ABLIM1: variants seen among roughly 807,000 people sequenced by gnomAD.
ABLIM1 encodes actin binding LIM protein 1, also known as actin-binding LIM protein 1.
ABLIM1 carries 40 observed loss-of-function variants against 107.0 expected under a neutral mutation model. The observed-to-expected ratio is 0.37, with a 90% CI of 0.29 to 0.49. The LOEUF is 0.49. Among genes scored for constraint, ABLIM1 ranks in the 20% least tolerant of loss-of-function variants. The pLI is 0.97. For missense variants in ABLIM1, 857 were observed against 1,008.5 expected, an observed-to-expected ratio of 0.85 and a Z score of 2.04; for synonymous variants, 357 against 357.3, an observed-to-expected ratio of 1.00 and a Z score of 0.01.
intron 22 of ABLIM1, among the ~76,000 whole-genome samples, 196 bp downstream of exon 22, chr10:114,437,648 C>T (rs1405561748): frequency 6.6e-6 from 1 of 152,200 alleles, no homozygotes; most frequent in African/African-American, 2.4e-5. Flanking sequence ...TATTACCAGG[C>T]ATTTTTATGC....
In ABLIM1 at chr10:114,755,621, G is replaced by A. The variant is rs116740500; in HGVS notation, c.-213+12440C>T. Among the ~76,000 whole-genome samples the A allele has an allele frequency of 4.0e-3, 610 of 152,326 alleles. 2 individuals carry two copies. Among genetic ancestry groups the A allele is most frequent in the African/African-American group, 0.014 (593 of 41,574 alleles). ...CCTCAGTACTTGTCTAGCCGGCTTT[G>A]TACAGAGAGTAAAACTTCAGTGAGG... On this transcript the variant is annotated intron_variant, in intron 1 of 15. Coordinates refer to the ABLIM1 transcript ENST00000651092.
chr10:114,671,113 T>C (rs2080236493), intron 1 of ABLIM1, among the ~76,000 whole-genome samples: 1 of 152,220 alleles, frequency 6.6e-6, no homozygotes, highest in Admixed American at 6.5e-5. Context: ...TCCCTCCAGA[T>C]AGCTACTATT....
At chr10:114,489,120 C>A (rs2058589978) in intron 7 of ABLIM1, among the ~76,000 whole-genome samples, 1 of 152,008 alleles carries the variant, frequency 6.6e-6, no homozygotes, top group African/African-American at 2.4e-5. Context: ...CAGGTTCAAG[C>A]GATTCTCCTG....
rs1325475278 is a variant in ABLIM1, at chr10:114,545,061, G to C, written c.838C>G (p.Leu280Val). The C allele has an allele frequency of 1.2e-6, 2 of 1,613,994 alleles. No individual in the cohort carries two copies. Among genetic ancestry groups the C allele is most frequent in the African/African-American group, 2.7e-5 (2 of 74,904 alleles). ...APYCEKDYQG[L>V]FGVKCEACHQ... ...CACGCCTCACATTTCACCCCAAAGA[G>C]TCCCTGGTAGTCCTTTTCACAGTAC... is the stretch of plus-strand genomic sequence containing the variant. Residue 280 changes from leucine (L) to valine (V), a missense_variant, in exon 6 of 23, where the codon CTC (leucine) becomes GTC (valine). Physicochemically the swap from Leu to Val is conservative, Grantham distance 32 (BLOSUM62 1). Transcript: ENST00000533213.
chr10:114,547,454 T>C, intron 5 of ABLIM1, 196 bp downstream of exon 5: 1 of 639,326 alleles, frequency 1.6e-6, no homozygotes, highest in South Asian at 2.2e-5. Context: ...GATTAACATA[T>C]CATTAGGTTT....
intron 1 of ABLIM1, among the ~76,000 whole-genome samples, chr10:114,643,182 C>A (rs971361060): frequency 6.6e-6 from 1 of 152,194 alleles, no homozygotes; most frequent in African/African-American, 2.4e-5. Context: ...GAAACTGACA[C>A]CACAATTACC....
intron 1 of ABLIM1, among the ~76,000 whole-genome samples, chr10:114,607,444 C>T (rs2076499595): frequency 1.3e-5 from 2 of 152,188 alleles, no homozygotes; most frequent in Admixed American, 6.5e-5. Flanking sequence ...TAAGTATGGG[C>T]TGTACATAGT....
At chr10:114,548,425 CCCCAG>C (rs990666088) in intron 4 of ABLIM1, among the ~76,000 whole-genome samples, 3 of 152,066 alleles carry the variant, frequency 2.0e-5, no homozygotes, top group Non-Finnish European at 2.9e-5. Flanking sequence ...CAGTGAGGAA[CCCCAG>C]CTAACTCCTC....
At chr10:114,489,262 C>T (rs1212411127) in intron 7 of ABLIM1, among the ~76,000 whole-genome samples, 2 of 152,168 alleles carry the variant, frequency 1.3e-5, no homozygotes, top group Non-Finnish European at 2.9e-5. Flanking sequence ...AGCGATCCAC[C>T]CACCTCGGCC....
intron 4 of ABLIM1, among the ~76,000 whole-genome samples, chr10:114,558,858 G>C (rs1028696598): frequency 2.0e-5 from 3 of 150,660 alleles, no homozygotes; most frequent in Admixed American, 2.0e-4. Flanking sequence ...AGACTGTTTT[G>C]TCACCTCCAA....
chr10:114,582,571 G>C (rs2073517232), intron 2 of ABLIM1, among the ~76,000 whole-genome samples: 1 of 152,074 alleles, frequency 6.6e-6, no homozygotes, highest in Non-Finnish European at 1.5e-5. Context: ...TAAGCAAAAG[G>C]AACAAAGCTA....
intron 2 of ABLIM1, among the ~76,000 whole-genome samples, chr10:114,600,406 C>T (rs886975448): frequency 6.6e-6 from 1 of 152,194 alleles, no homozygotes; most frequent in African/African-American, 2.4e-5. Flanking sequence ...ATGCCCTCCA[C>T]TCCTTCCACC....
At chr10:114,760,700 A>G (rs992042629) in intron 1 of ABLIM1, among the ~76,000 whole-genome samples, 1 of 152,210 alleles carries the variant, frequency 6.6e-6, no homozygotes, top group Non-Finnish European at 1.5e-5. Flanking sequence ...AAATTAAAAA[A>G]CAAAACAAAA....
chr10:114,734,948 A>G (rs2082149026), intron 1 of ABLIM1, among the ~76,000 whole-genome samples: 1 of 152,234 alleles, frequency 6.6e-6, no homozygotes. Context: ...CTTTAAAGTG[A>G]GAACATGCTA....
At chr10:114,768,024 G>C in intron 1 of ABLIM1, 1 of 428,156 alleles carries the variant, frequency 2.3e-6, no homozygotes, top group South Asian at 1.6e-5. Context: ...TCGGCCCGCC[G>C]GGGTCAGTGG....
chr10:114,530,831 G>C (rs2065373938), intron 6 of ABLIM1, among the ~76,000 whole-genome samples: 1 of 152,186 alleles, frequency 6.6e-6, no homozygotes, highest in Admixed American at 6.5e-5. Flanking sequence ...ACCACACCCA[G>C]CCAGAAATAG....
chr10:114,640,222 G>C (rs184937317), intron 1 of ABLIM1, among the ~76,000 whole-genome samples: 5 of 152,308 alleles, frequency 3.3e-5, no homozygotes, highest in African/African-American at 1.2e-4. Flanking sequence ...CACGTATCAA[G>C]AAGTGAAATG....
intron 22 of ABLIM1, among the ~76,000 whole-genome samples, chr10:114,436,936 C>T (rs762665375): frequency 1.3e-5 from 2 of 152,072 alleles, no homozygotes; most frequent in African/African-American, 2.4e-5. Context: ...AGCATTCTTT[C>T]GGAGACTGGC....
upstream of ABLIM1, among the ~76,000 whole-genome samples, chr10:114,662,051 A>C (rs1007536694): frequency 6.6e-6 from 1 of 152,122 alleles, no homozygotes; most frequent in Admixed American, 6.5e-5. Context: ...TTTTTCTCAG[A>C]CAAGTATCCC....
Sources: gnomAD v4.1 joint callset for allele counts (sites outside exome capture counted in the v4.1 genomes callset) on GRCh38, gnomAD v4.1.1 for gene constraint, MANE v1.5 for transcripts, NCBI Gene and HGNC (gene_info 2026-07-23, HGNC 2026-07-21) for gene names.